The following TRPM3 variants were observed in gnomAD, a reference collection of about 807,000 sequenced individuals.
TRPM3 encodes long transient receptor potential channel 3.
TRPM3 carries 77 observed loss-of-function variants against 181.2 expected under a neutral mutation model. The observed-to-expected ratio is 0.42, with a 90% confidence interval of 0.35 to 0.51. TRPM3 has a LOEUF of 0.51. TRPM3 is among the 20% of genes least tolerant of loss of function. TRPM3 has a pLI of 0.01. For synonymous variants in TRPM3, 745 were observed against 796.4 expected (o/e 0.94, Z 1.09); for missense variants, 1,759 against 2,196.7 (o/e 0.80, Z 3.98).
At position 70,536,083 on chromosome 9, in the gene TRPM3, T is replaced by C. The variant is rs753442655; in HGVS notation, c.5030A>G (p.Asn1677Ser). ...GAAGGGATTTCGCAGGCTTGCTGTG[T>C]TCCGCTGCCTGTCGAGTTTGTCACT... ...SISDKLDRQRNTASLRNPFQR... is the reference protein window; with the variant it reads ...SISDKLDRQRSTASLRNPFQR... The change falls in exon 26 of 26, where the codon AAC (asparagine) becomes AGC (serine). Residue 1677 changes from asparagine (N) to serine (S), a missense_variant. Physicochemically the swap from Asn to Ser is conservative, Grantham distance 46. Around this residue, in one of 8 missense-constraint regions of TRPM3, gnomAD observed 612 missense variants for 590.0 expected, o/e 1.04. Transcript: ENST00000677713. The C allele has an allele frequency of 6.8e-6, 11 of 1,614,096 alleles. No homozygotes were observed. Among genetic ancestry groups the C allele is most frequent in the Non-Finnish European group, 9.3e-6 (11 of 1,180,042 alleles).
intron 1 of TRPM3, among the ~76,000 whole-genome samples, chr9:71,257,062 A>T (rs886842806): frequency 7.2e-5 from 11 of 152,214 alleles, no homozygotes; most frequent in African/African-American, 2.7e-4. Flanking sequence ...GTGCAGAATG[A>T]TGTTTGCAGA....
intron 9 of TRPM3, among the ~76,000 whole-genome samples, chr9:70,656,854 T>G (rs188194850): frequency 8.6e-5 from 13 of 151,928 alleles, no homozygotes; most frequent in African/African-American, 2.7e-4. Flanking sequence ...AAAGCTTATT[T>G]AAAGGTTATG....
chr9:71,329,541 G>A (rs2132523347), intron 1 of TRPM3, among the ~76,000 whole-genome samples: 1 of 152,264 alleles, frequency 6.6e-6, no homozygotes, highest in East Asian at 1.9e-4. Flanking sequence ...TTTATAAATT[G>A]GAGATATGAA....
intron 2 of TRPM3, among the ~76,000 whole-genome samples, chr9:70,863,675 C>T (rs1055777944): frequency 2.0e-5 from 3 of 152,148 alleles, no homozygotes; most frequent in African/African-American, 7.2e-5. Context: ...TATTTGAAAA[C>T]TTAAACTTTG....
chr9:70,896,295 G>C (rs1304511566), intron 1 of TRPM3, among the ~76,000 whole-genome samples: 3 of 152,162 alleles, frequency 2.0e-5, no homozygotes, highest in Admixed American at 1.3e-4. Flanking sequence ...TCCCTTTCTA[G>C]AGCAGGCTAA....
intron 10 of TRPM3, 87 bp from the exon 11 acceptor site, chr9:70,639,281 G>A (rs2057696479): frequency 6.9e-7 from 1 of 1,450,250 alleles, no homozygotes; most frequent in East Asian, 2.3e-5. Flanking sequence ...CTTAGAAATG[G>A]ATGCCTTTGA....
At position 70,533,300 on chromosome 9, in the gene TRPM3, G is replaced by A. The variant is rs1031713791; in HGVS notation, c.*2653C>T. The A allele has an allele frequency of 6.6e-6, 1 of 152,192 alleles. No individual in the cohort carries two copies. Among genetic ancestry groups the A allele is most frequent in the Admixed American group, 6.5e-5 (1 of 15,270 alleles). 9.4% of individuals were successfully genotyped at this position (152,192 alleles called of 1,614,324 possible). A position where few individuals can be genotyped will look rare whatever the true frequency, so the allele number is the denominator to read the frequency against. On this transcript the variant is annotated 3_prime_UTR_variant, in exon 26 of 26. Coordinates refer to ENST00000677713, the MANE Select transcript of TRPM3 (RefSeq NM_001366145.2). ...GATTCCTCTATAGACCCTTCAGGGA[G>A]ACTTCAGCATTGTGATTGTGCTTGA... is the stretch of plus-strand genomic sequence containing the variant.
chr9:70,805,458 C>T (rs1264794900), intron 6 of TRPM3, among the ~76,000 whole-genome samples: 2 of 146,316 alleles, frequency 1.4e-5, no homozygotes, highest in South Asian at 2.3e-4. Context: ...GGCGTGAACC[C>T]GGGAGGCGGA....
intron 1 of TRPM3, among the ~76,000 whole-genome samples, chr9:71,035,243 G>C (rs550804261): frequency 4.3e-4 from 66 of 152,228 alleles, no homozygotes; most frequent in African/African-American, 1.5e-3. Flanking sequence ...TGTTAAAAAA[G>C]AGAAAGATGA....
At chr9:70,783,963 A>G in intron 7 of TRPM3, 142 bp downstream of exon 7, 1 of 1,443,468 alleles carries the variant, frequency 6.9e-7, no homozygotes, top group Non-Finnish European at 9.1e-7. Flanking sequence ...CAGCCCTCCC[A>G]TGACAGACAT....
At chr9:70,761,778 AT>A in intron 7 of TRPM3, 54 bp from the exon 8 acceptor site, 1 of 1,561,262 alleles carries the variant, frequency 6.4e-7, no homozygotes, top group Non-Finnish European at 8.7e-7. Context: ...TTCAGCAAGT[AT>A]TTCTGAGAAA....
intron 1 of TRPM3, among the ~76,000 whole-genome samples, chr9:71,266,588 G>C (rs1422993934): frequency 1.3e-5 from 2 of 152,034 alleles, no homozygotes; most frequent in Admixed American, 6.6e-5. Context: ...AGTGTGTTTT[G>C]TGTTTTTATC....
At position 70,803,603 on chromosome 9, in the gene TRPM3, T is replaced by C. The variant is rs138175676; in HGVS notation, c.974-19324A>G. ...AGCTGGGACCACAGGCGCCCGCCAC[T>C]ACACCCGGCCAATTTTTTTTGTATT... On this transcript the variant is annotated intron_variant, in intron 6 of 25. Coordinates refer to ENST00000677713, the MANE Select transcript of TRPM3 (RefSeq NM_001366145.2). Among the ~76,000 whole-genome samples the C allele has an allele frequency of 4.3e-3, 657 of 151,810 alleles. 3 individuals carry two copies. Among genetic ancestry groups the C allele is most frequent in the South Asian group, 0.028 (135 of 4,786 alleles).
intron 1 of TRPM3, among the ~76,000 whole-genome samples, chr9:71,306,904 T>A (rs949897259): frequency 8.5e-5 from 13 of 152,308 alleles, no homozygotes; most frequent in African/African-American, 3.1e-4. Context: ...CCTTATAGTA[T>A]CTGGTTAAGG....
chr9:71,438,340 T>C (rs1265404800), intron 1 of TRPM3, among the ~76,000 whole-genome samples: 1 of 152,180 alleles, frequency 6.6e-6, no homozygotes, highest in East Asian at 1.9e-4. Context: ...TAAGAAGTTT[T>C]TTTTAAAATT....
chr9:70,620,377 G>C lies in TRPM3; in HGVS notation c.1840-12C>G, dbSNP rs2063443225. 2 of 1,599,520 alleles carry C rather than the reference G, an allele frequency of 1.3e-6. No individual in the cohort carries two copies. Among genetic ancestry groups the C allele is most frequent in the African/African-American group, 2.7e-5 (2 of 74,670 alleles). On this transcript the variant is annotated splice_polypyrimidine_tract_variant and intron_variant, in intron 15 of 25. Transcript: ENST00000677713. ...AAGGGAATATCATCCTGTAATTACA[G>C]GGAAACCACACAGACTGAGTTAGAA... is the stretch of plus-strand genomic sequence containing the variant.
intron 7 of TRPM3, among the ~76,000 whole-genome samples, chr9:70,765,686 C>T (rs2135362124): frequency 6.6e-6 from 1 of 152,274 alleles, no homozygotes; most frequent in African/African-American, 2.4e-5. Context: ...TGTTTGGGTA[C>T]AAAGGCTTAC....
chr9:71,116,228 C>G (rs796325259), intron 1 of TRPM3, among the ~76,000 whole-genome samples: 92 of 152,248 alleles, frequency 6.0e-4, no homozygotes, highest in African/African-American at 2.1e-3. Context: ...TGTGCATTTC[C>G]TCTCTTGTGG....
chr9:70,903,495 G>A (rs547010836), intron 1 of TRPM3, among the ~76,000 whole-genome samples: 1 of 151,838 alleles, frequency 6.6e-6, no homozygotes, highest in Non-Finnish European at 1.5e-5. Flanking sequence ...TCCATTCAAA[G>A]TGTTTTTGGG....
Sources: allele counts gnomAD v4.1 joint callset (sites outside exome capture counted in the v4.1 genomes callset), GRCh38; gene constraint gnomAD v4.1.1; regional missense constraint gnomAD v4.1.1; transcripts MANE v1.5; gene names NCBI Gene and HGNC (gene_info 2026-07-23, HGNC 2026-07-21).